FTO: variants seen among roughly 807,000 people sequenced by gnomAD.
FTO encodes FTO alpha-ketoglutarate dependent dioxygenase.
Under a neutral mutation model 63.9 loss-of-function variants are expected in FTO, and 47 were observed. That is an observed-to-expected ratio of 0.74 (90% CI 0.58 to 0.94). The LOEUF (loss-of-function observed/expected upper bound fraction) is 0.94. Among genes scored for constraint, FTO ranks in the 40% least tolerant of loss-of-function variants. The probability of loss-of-function intolerance (pLI) is 0.00; values close to 1 mark genes in which losing one functional copy is unlikely to be tolerated. For missense variants in FTO, 562 were observed against 618.1 expected, an observed-to-expected ratio of 0.91 and a Z score of 0.96; for synonymous variants, 207 against 224.4, an observed-to-expected ratio of 0.92 and a Z score of 0.69.
In FTO at chr16:53,879,891, T is replaced by C; in HGVS notation, c.1023T>C (p.Ala341=). 1 of 1,613,972 alleles carries C rather than the reference T, an allele frequency of 6.2e-7. No individual in the cohort carries two copies. Among genetic ancestry groups the C allele is most frequent in the Non-Finnish European group, 8.5e-7 (1 of 1,179,896 alleles). ...ATATTTTACAACGCTGTCAGTTGGC[T>C]CTGCAGAATGTCTGTGACGATGTGG... ...LDYILQRCQL[A]LQNVCDDVDN... is the part of the protein sequence containing the mutation. Residue 341 remains alanine, a synonymous_variant, in exon 6 of 9, where the codon GCT becomes GCC. Coordinates refer to ENST00000471389, the MANE Select transcript of FTO (RefSeq NM_001080432.3).
chr16:53,830,191 C>T (rs1489679734), intron 3 of FTO, among the ~76,000 whole-genome samples: 2 of 152,188 alleles, frequency 1.3e-5, no homozygotes, highest in Non-Finnish European at 2.9e-5. Context: ...AATTCATTGG[C>T]TTTCACATGC....
intron 8 of FTO, among the ~76,000 whole-genome samples, chr16:54,036,446 C>T (rs856977): frequency 0.078 from 11,889 of 152,174 alleles, 739 homozygotes; most frequent in African/African-American, 0.16. Context: ...TGAGAGAATC[C>T]CTCTGGGTCA....
rs541299342 is a variant in FTO, at chr16:53,808,951, T to C, written c.46-1189T>C. 6.6e-5 allele frequency among the ~76,000 whole-genome samples: 10 copies of C among 152,372 alleles called. No individual in the cohort carries two copies. The East Asian group carries it at 9.6e-4, about 15-fold the overall frequency. On this transcript the variant is annotated intron_variant, in intron 1 of 8. Coordinates refer to ENST00000471389, the MANE Select transcript of FTO (RefSeq NM_001080432.3). Reference sequence around the variant, plus strand: ...TTGTATGTACCTGTCTATGTGTATATGTGTCTGTGAGTGTATATGCACATT... The same window carrying C: ...TTGTATGTACCTGTCTATGTGTATACGTGTCTGTGAGTGTATATGCACATT...
At chr16:53,879,788 G>T in intron 5 of FTO, 56 bp from the exon 6 acceptor site, 1 of 1,602,770 alleles carries the variant, frequency 6.2e-7, no homozygotes, top group Non-Finnish European at 8.5e-7. Flanking sequence ...TAGGAAGGAT[G>T]GTAGAGTAAA....
intron 7 of FTO, among the ~76,000 whole-genome samples, chr16:53,900,737 A>G (rs2081385949): frequency 6.6e-6 from 1 of 150,912 alleles, no homozygotes; most frequent in Non-Finnish European, 1.5e-5. Flanking sequence ...GGAGAAGAGC[A>G]GATTCTGACA....
At chr16:53,764,621 A>T (rs2151613698) in intron 1 of FTO, among the ~76,000 whole-genome samples, 1 of 152,260 alleles carries the variant, frequency 6.6e-6, no homozygotes, top group East Asian at 1.9e-4. Context: ...GAACTTGAGA[A>T]TTTATTCTTC....
chr16:53,862,349 A>G (rs959834366), intron 4 of FTO, among the ~76,000 whole-genome samples: 2 of 152,150 alleles, frequency 1.3e-5, no homozygotes, highest in African/African-American at 4.8e-5. Flanking sequence ...GGTGATCTAC[A>G]TTATGGTTTC....
intron 1 of FTO, chr16:53,711,505 G>A (rs1182220197): frequency 5.8e-5 from 23 of 398,428 alleles, no homozygotes; most frequent in Non-Finnish European, 1.0e-4. Context: ...GGAGGACACG[G>A]TAGCAAAGAG....
chr16:53,799,951 C>G (rs761460201), intron 1 of FTO, among the ~76,000 whole-genome samples: 1 of 151,906 alleles, frequency 6.6e-6, no homozygotes, highest in Non-Finnish European at 1.5e-5. Context: ...ATTTTCTTTT[C>G]TCAAAGAACT....
chr16:54,076,402 T>C (rs750173283), intron 8 of FTO, among the ~76,000 whole-genome samples: 5 of 152,048 alleles, frequency 3.3e-5, no homozygotes, highest in Admixed American at 2.0e-4. Context: ...AAACATATAA[T>C]AGCTATGCAG....
chr16:53,803,972 A>G (rs2078291326), intron 1 of FTO, among the ~76,000 whole-genome samples: 1 of 152,252 alleles, frequency 6.6e-6, no homozygotes, highest in African/African-American at 2.4e-5. Flanking sequence ...AGATTCCTGT[A>G]TAAGTAATTT....
chr16:54,099,207 A>G lies in FTO; in HGVS notation c.1365-12555A>G, dbSNP rs545700663. Among the ~76,000 whole-genome samples the G allele has an allele frequency of 2.6e-5, 4 of 152,330 alleles. No homozygotes were observed. The East Asian group carries it at 7.7e-4, about 29-fold the overall frequency. On this transcript the variant is annotated intron_variant, in intron 8 of 8. Transcript: ENST00000471389. ...CCTGCTGCCATGTCGTAGGTATAGC[A>G]TGAATATCATTCATTAAGTCATGCA... is the stretch of plus-strand genomic sequence containing the variant.
At chr16:54,078,602 A>G (rs979473827) in intron 8 of FTO, among the ~76,000 whole-genome samples, 21 of 152,042 alleles carry the variant, frequency 1.4e-4, no homozygotes, top group African/African-American at 5.1e-4. Context: ...TTTTGAGTGC[A>G]CTTCAGATAG....
At chr16:53,864,237 G>T (rs2080248573) in intron 4 of FTO, among the ~76,000 whole-genome samples, 1 of 152,156 alleles carries the variant, frequency 6.6e-6, no homozygotes, top group African/African-American at 2.4e-5. Context: ...TCAGTACTGG[G>T]CTTATTTACC....
chr16:53,719,965 C>G (rs1251561212), intron 1 of FTO, among the ~76,000 whole-genome samples: 1 of 151,790 alleles, frequency 6.6e-6, no homozygotes, highest in South Asian at 2.1e-4. Context: ...CCCCAATGTC[C>G]GCAGAGTCTT....
intron 7 of FTO, among the ~76,000 whole-genome samples, chr16:53,909,422 T>G (rs1425816004): frequency 6.6e-6 from 1 of 151,308 alleles, no homozygotes; most frequent in Non-Finnish European, 1.5e-5. Flanking sequence ...TTCAGAAAAC[T>G]GGGCAAGACT....
intron 8 of FTO, among the ~76,000 whole-genome samples, chr16:54,103,256 G>A (rs960623497): frequency 6.6e-6 from 1 of 152,188 alleles, no homozygotes; most frequent in Non-Finnish European, 1.5e-5. Flanking sequence ...GCAGTCAAAG[G>A]GTTTTTAAAG....
intron 7 of FTO, among the ~76,000 whole-genome samples, chr16:53,898,483 T>G (rs2081326779): frequency 6.6e-6 from 1 of 152,144 alleles, no homozygotes; most frequent in Non-Finnish European, 1.5e-5. Context: ...TATATATCCA[T>G]TTGTTGTCTG....
At chr16:53,946,164 G>A (rs2082646428) in intron 8 of FTO, among the ~76,000 whole-genome samples, 1 of 148,586 alleles carries the variant, frequency 6.7e-6, no homozygotes, top group South Asian at 2.1e-4. Context: ...ATTGTCCCAG[G>A]ACAAAAAAAA....
Sources: gnomAD v4.1 joint callset for allele counts (sites outside exome capture counted in the v4.1 genomes callset) on GRCh38, gnomAD v4.1.1 for gene constraint, MANE v1.5 for transcripts, NCBI Gene and HGNC (gene_info 2026-07-23, HGNC 2026-07-21) for gene names.